The following JHY variants were observed in gnomAD, a reference collection of about 807,000 sequenced individuals.
JHY encodes the protein junctional cadherin complex regulator.
In JHY, 69 loss-of-function variants were observed where a neutral mutation model predicts 78.0. The observed-to-expected ratio is 0.88, with a 90% CI of 0.73 to 1.08. The LOEUF (loss-of-function observed/expected upper bound fraction) is 1.08, where lower values mean the gene tolerates loss of function less well. JHY is among the 50% of genes least tolerant of loss of function. The pLI is 0.00. For missense variants in JHY, 944 were observed against 927.8 expected (o/e 1.02, Z -0.23); for synonymous variants, 368 against 342.6 (o/e 1.07, Z -0.82).
intron 3 of JHY, among the ~76,000 whole-genome samples, chr11:122,906,165 A>C (rs1862987421): frequency 6.6e-6 from 1 of 152,172 alleles, no homozygotes; most frequent in African/African-American, 2.4e-5. Context: ...AAAAATGAAA[A>C]TAAATTCAAC....
chr11:122,954,644 G>T (rs958054477), intron 6 of JHY, among the ~76,000 whole-genome samples: 1 of 152,118 alleles, frequency 6.6e-6, no homozygotes, highest in Non-Finnish European at 1.5e-5. Context: ...ACAGCTGGTC[G>T]CGGTGACTCA....
chr11:122,950,358 A>G (rs756968513), intron 6 of JHY, among the ~76,000 whole-genome samples: 1 of 152,182 alleles, frequency 6.6e-6, no homozygotes, highest in Non-Finnish European at 1.5e-5. Context: ...TGCAGTACAT[A>G]TAGATTACCA....
chr11:122,948,940 C>T (rs182083961), intron 6 of JHY, among the ~76,000 whole-genome samples: 4 of 152,050 alleles, frequency 2.6e-5, no homozygotes, highest in African/African-American at 7.2e-5. Context: ...AAAAATTAAC[C>T]GGATGTGGTG....
intron 6 of JHY, among the ~76,000 whole-genome samples, chr11:122,949,717 T>G (rs1243343090): frequency 6.6e-6 from 1 of 152,078 alleles, no homozygotes; most frequent in Non-Finnish European, 1.5e-5. Context: ...TCCCCTCTGC[T>G]GGGGACGGGA....
intron 4 of JHY, among the ~76,000 whole-genome samples, chr11:122,931,641 C>G (rs61910324): frequency 0.24 from 35,997 of 152,156 alleles, 4,743 homozygotes; most frequent in Middle Eastern, 0.32. Flanking sequence ...CTTCACTTTA[C>G]AGCTGATCTC....
Position 122,961,565 on chromosome 11 carries a change from G to C in JHY, c.*2120G>C, listed in dbSNP as rs1272618095. On this transcript the variant is annotated 3_prime_UTR_variant, in exon 9 of 9. Transcript: ENST00000227349. Reference sequence around the variant, plus strand: ...AGGCAGGGTTTCGCCATGTTGACCAGGCTGGTCTTGAACTCCTGATCTCAG... The same window carrying C: ...AGGCAGGGTTTCGCCATGTTGACCACGCTGGTCTTGAACTCCTGATCTCAG... Among the ~76,000 whole-genome samples the C allele has an allele frequency of 1.3e-5, 2 of 152,098 alleles. No individual in the cohort carries two copies. The highest frequency in any genetic ancestry group is 2.9e-5 in the Non-Finnish European group (2 of 68,018).
intron 6 of JHY, among the ~76,000 whole-genome samples, chr11:122,955,287 AT>A (rs1267772281): frequency 6.6e-6 from 1 of 151,934 alleles, no homozygotes; most frequent in African/African-American, 2.4e-5. Flanking sequence ...CGCCCACCTA[AT>A]TTTTGTATTT....
chr11:122,931,265 G>A (rs1863629563), intron 4 of JHY, among the ~76,000 whole-genome samples: 1 of 152,080 alleles, frequency 6.6e-6, no homozygotes, highest in Non-Finnish European at 1.5e-5. Flanking sequence ...AGGATAAATA[G>A]GATGTTTTCT....
intron 2 of JHY, among the ~76,000 whole-genome samples, chr11:122,897,962 C>T (rs1426138606): frequency 3.3e-5 from 5 of 152,162 alleles, no homozygotes; most frequent in Non-Finnish European, 7.3e-5. Context: ...GATCATAGAA[C>T]AGTGGAGTTG....
At position 122,903,939 on chromosome 11, in the gene JHY, A is replaced by G; in HGVS notation, c.359A>G (p.Glu120Gly). ...GCTTTGGGCAGGCAACAACCAATAG[A>G]AGACAAATATTCAGACCTCCGCTAT... ...QGANNRQQPIEDKYSDLRYDP... is the reference protein window; with the variant it reads ...QGANNRQQPIGDKYSDLRYDP... Residue 120 changes from glutamate (E) to glycine (G), a missense_variant, in exon 3 of 9, where the codon GAA (glutamate) becomes GGA (glycine). Transcript: ENST00000227349. 1 of 1,587,474 alleles carries G rather than the reference A, an allele frequency of 6.3e-7. No individual in the cohort carries two copies. Among genetic ancestry groups the G allele is most frequent in the South Asian group, 1.1e-5 (1 of 88,176 alleles).
chr11:122,905,140 G>T, intron 3 of JHY: 1 of 1,499,342 alleles, frequency 6.7e-7, no homozygotes, highest in Non-Finnish European at 9.3e-7. Flanking sequence ...GTAAAATTGG[G>T]ACAGTAATAA....
In JHY at chr11:122,898,126, G is replaced by C. The variant is rs1258978883; in HGVS notation, c.345-5799G>C. ...TTAGTTGATTACTGTATTACTGTTG[G>C]TGCATAAAGCCTGTCCTCCTCATTG... On this transcript the variant is annotated intron_variant, in intron 2 of 8. Coordinates refer to ENST00000227349, the MANE Select transcript of JHY (RefSeq NM_024806.4). This position sits in a 1 kb window ranked among gnomAD's most constrained non-coding sequence, Gnocchi z 4.4. Among the ~76,000 whole-genome samples, 4 of 152,134 alleles carry C rather than the reference G, an allele frequency of 2.6e-5. No individual in the cohort carries two copies. The highest frequency in any genetic ancestry group is 4.1e-4 in the South Asian group (2 of 4,830).
intron 3 of JHY, among the ~76,000 whole-genome samples, chr11:122,909,790 TTAAATAAA>T (rs1331320279): frequency 6.6e-6 from 1 of 151,710 alleles, no homozygotes; most frequent in East Asian, 1.9e-4. Context: ...AAAAAATAAA[TTAAATAAA>T]TAAATAAATA....
chr11:122,911,627 T>C (rs1247155822), intron 3 of JHY, among the ~76,000 whole-genome samples: 1 of 152,102 alleles, frequency 6.6e-6, no homozygotes, highest in Non-Finnish European at 1.5e-5. Flanking sequence ...GTGATGAGAC[T>C]GAGCGTGGTG....
intron 6 of JHY, among the ~76,000 whole-genome samples, chr11:122,951,137 C>T (rs955928469): frequency 6.6e-6 from 1 of 152,128 alleles, no homozygotes; most frequent in East Asian, 1.9e-4. Context: ...CCAAGAGAAT[C>T]GCCCTGAATC....
At chr11:122,886,713 GC>G (rs1254352673) in intron 2 of JHY, among the ~76,000 whole-genome samples, 3 of 152,100 alleles carry the variant, frequency 2.0e-5, no homozygotes, top group Non-Finnish European at 4.4e-5. Flanking sequence ...CTCCCAAAGT[GC>G]TATGATTACA....
intron 5 of JHY, among the ~76,000 whole-genome samples, chr11:122,938,266 C>T (rs150132781): frequency 7.7e-4 from 117 of 152,178 alleles, no homozygotes; most frequent in Non-Finnish European, 1.3e-3. Context: ...ATGCGTTTTT[C>T]CAGGACCGTT....
chr11:122,889,998 C>G (rs578181743), intron 2 of JHY, among the ~76,000 whole-genome samples: 1 of 151,890 alleles, frequency 6.6e-6, no homozygotes, highest in Admixed American at 6.6e-5. Flanking sequence ...CTGTGTACCT[C>G]GGCCTCCCAA....
intron 4 of JHY, among the ~76,000 whole-genome samples, chr11:122,931,737 T>C (rs1285342714): frequency 1.3e-5 from 2 of 152,144 alleles, no homozygotes; most frequent in African/African-American, 2.4e-5. Flanking sequence ...ACAGATGAAC[T>C]TTCTGGTTGA....
Sources: gnomAD v4.1 joint callset for allele counts (sites outside exome capture counted in the v4.1 genomes callset) on GRCh38, gnomAD v4.1.1 for gene constraint, Gnocchi (gnomAD v3.1) non-coding constraint, MANE v1.5 for transcripts, NCBI Gene and HGNC (gene_info 2026-07-23, HGNC 2026-07-21) for gene names.